The following TAB1 variants were observed in gnomAD, a reference collection of about 807,000 sequenced individuals.
TAB1 encodes the protein TGF-beta activated kinase 1 (MAP3K7) binding protein 1.
In TAB1, 30 loss-of-function variants were observed where a neutral mutation model predicts 54.5. The ratio of observed to expected loss-of-function variants is 0.55; its 90% CI spans 0.41 to 0.75. The LOEUF is 0.75. Among genes scored for constraint, TAB1 ranks in the 30% least tolerant of loss-of-function variants. The pLI is 0.00. For missense variants in TAB1, 609 were observed against 683.2 expected (o/e 0.89, Z 1.21); for synonymous variants, 289 against 286.9 (o/e 1.01, Z -0.07).
downstream of TAB1, chr22:39,433,609 C>A (rs916893939): frequency 1.2e-5 from 12 of 985,416 alleles, no homozygotes; most frequent in Non-Finnish European, 1.4e-5. Context: ...GGAGTTGTAC[C>A]GTCCTGGTCT....
intron 7 of TAB1, 107 bp from the exon 8 acceptor site, chr22:39,421,720 G>A: frequency 8.5e-7 from 1 of 1,183,308 alleles, no homozygotes. Context: ...TTGTCAGGTT[G>A]TGTGTTTTAT....
At chr22:39,400,181 C>T (rs1237729963) in intron 1 of TAB1, among the ~76,000 whole-genome samples, 1 of 152,218 alleles carries the variant, frequency 6.6e-6, no homozygotes, top group East Asian at 1.9e-4. Flanking sequence ...ATGATAATAA[C>T]AGCAGCATCC....
intron 8 of TAB1, among the ~76,000 whole-genome samples, chr22:39,425,695 C>T (rs955065574): frequency 8.6e-5 from 13 of 151,406 alleles, no homozygotes; most frequent in Non-Finnish European, 1.6e-4. Flanking sequence ...TACAGGCACC[C>T]GCCACCACGC....
At chr22:39,425,253 G>T (rs975571353) in intron 8 of TAB1, among the ~76,000 whole-genome samples, 2 of 151,318 alleles carry the variant, frequency 1.3e-5, no homozygotes, top group Admixed American at 1.3e-4. Context: ...GCATAGTGAC[G>T]CACGCCTGTA....
chr22:39,423,813 A>G (rs1300350247), intron 8 of TAB1, among the ~76,000 whole-genome samples: 1 of 152,072 alleles, frequency 6.6e-6, no homozygotes, highest in Admixed American at 6.6e-5. Flanking sequence ...TAACTAATGT[A>G]TAGTGTTTTA....
In TAB1 at chr22:39,430,948, C is replaced by T. The variant is rs886730533; in HGVS notation, c.*726C>T. The T allele has an allele frequency of 6.1e-6, 6 of 986,134 alleles. No individual in the cohort carries two copies. Among genetic ancestry groups the T allele is most frequent in the East Asian group, 1.1e-4 (1 of 8,836 alleles). The allele number at this position is 986,134 out of a possible 1,614,324, so 61.1% of individuals were successfully genotyped here. A position where few individuals can be genotyped will look rare whatever the true frequency, so the allele number is the denominator to read the frequency against. ...GTGCGGGAGAGGTGAGGACTGGCCC[C>T]GGTGGGCTGAGGCAGGGGCCGCTGT... On this transcript the variant is annotated 3_prime_UTR_variant, in exon 11 of 11. Transcript: ENST00000216160.
chr22:39,430,916 G>T lies in TAB1; in HGVS notation c.*694G>T. ...GGATGGCGGCCTGGGCTTCCCCAGAGCCAGGCGTGCGGGAGAGGTGAGGAC... is the reference window on the plus strand; with the variant it reads ...GGATGGCGGCCTGGGCTTCCCCAGATCCAGGCGTGCGGGAGAGGTGAGGAC... On this transcript the variant is annotated 3_prime_UTR_variant, in exon 11 of 11. Coordinates refer to ENST00000216160, the MANE Select transcript of TAB1 (RefSeq NM_006116.3). 10 of 987,844 alleles carry T rather than the reference G, an allele frequency of 1.0e-5. No individual in the cohort carries two copies. The highest frequency in any genetic ancestry group is 1.2e-5 in the Non-Finnish European group (10 of 831,550). The allele number at this position is 987,844 out of a possible 1,614,324, so 61.2% of individuals were successfully genotyped here.
chr22:39,405,072 A>T (rs1321551546), intron 1 of TAB1, among the ~76,000 whole-genome samples: 1 of 152,136 alleles, frequency 6.6e-6, no homozygotes, highest in African/African-American at 2.4e-5. Context: ...CCACAAAAAC[A>T]CTTGGCCTTT....
chr22:39,436,148 C>T (rs957842019), downstream of TAB1, among the ~76,000 whole-genome samples: 2 of 152,112 alleles, frequency 1.3e-5, no homozygotes, highest in Non-Finnish European at 2.9e-5. Context: ...AAAAAAGTAG[C>T]CAGGCGTTGT....
rs755744845 is a variant in TAB1, at chr22:39,415,152, C to T, written c.170+10C>T. 2.4e-5 allele frequency: 37 copies of T among 1,565,024 alleles called. 1 individual carries two copies. The highest frequency in any genetic ancestry group is 2.6e-6 in the Non-Finnish European group (3 of 1,151,814). On this transcript the variant is annotated intron_variant, in intron 2 of 10. Coordinates refer to ENST00000216160, the MANE Select transcript of TAB1 (RefSeq NM_006116.3). The surrounding 1 kb of genome is among the most constrained non-coding windows in gnomAD (Gnocchi z 4.9). Reference sequence around the variant, plus strand: ...GCTGGCTCAAGTTCAGGTGTGTGTGCCAGCATTTCTGTGTTGGGCCCGGGG... The same window carrying T: ...GCTGGCTCAAGTTCAGGTGTGTGTGTCAGCATTTCTGTGTTGGGCCCGGGG...
At chr22:39,436,372 AAG>A (rs1167088324), downstream of TAB1, 27 of 763,818 alleles carry the variant, frequency 3.5e-5, no homozygotes, top group Middle Eastern at 2.3e-4. Flanking sequence ...TAACCTGGCA[AAG>A]AGTTGGTATC....
intron 1 of TAB1, among the ~76,000 whole-genome samples, chr22:39,404,143 G>A (rs1173592021): frequency 1.3e-5 from 2 of 152,232 alleles, no homozygotes; most frequent in African/African-American, 4.8e-5. Context: ...GTGTGTGACA[G>A]AGGAAGAAGA....
At position 39,421,156 on chromosome 22, in the gene TAB1, T is replaced by G. The variant is rs2267410; in HGVS notation, c.777-671T>G. On this transcript the variant is annotated intron_variant, in intron 7 of 10. Transcript: ENST00000216160. Reference sequence around the variant, plus strand: ...TTTCATGCATACAACTTGATGAGTTTGGAGATATGTTTACACACCCCTCAC... The same window carrying G: ...TTTCATGCATACAACTTGATGAGTTGGGAGATATGTTTACACACCCCTCAC... 1.6e-3 allele frequency among the ~76,000 whole-genome samples: 248 copies of G among 152,186 alleles called. 5 individuals are homozygous for G. In the East Asian group the frequency reaches 0.043, roughly 26 times the overall value.
chr22:39,415,772 C>G lies in TAB1; in HGVS notation c.324+119C>G, dbSNP rs1811998640. 5 of 1,340,160 alleles carry G rather than the reference C, an allele frequency of 3.7e-6. No individual in the cohort carries two copies. The highest frequency in any genetic ancestry group is 2.2e-5 in the Admixed American group (1 of 45,098). The allele number at this position is 1,340,160 out of a possible 1,614,324, so 83.0% of individuals were successfully genotyped here. ...GTGAAGATCCTGCCGGCCCCTTCAC[C>G]CCAGTAGAGGAGCAGCTCCCAGCGT... is the stretch of plus-strand genomic sequence containing the variant. On this transcript the variant is annotated intron_variant, in intron 3 of 10. Coordinates refer to ENST00000216160, the MANE Select transcript of TAB1 (RefSeq NM_006116.3). This position sits in a 1 kb window ranked among gnomAD's most constrained non-coding sequence, Gnocchi z 4.9.
At chr22:39,411,687 C>T (rs1601687250) in intron 1 of TAB1, among the ~76,000 whole-genome samples, 1 of 152,188 alleles carries the variant, frequency 6.6e-6, no homozygotes, top group Non-Finnish European at 1.5e-5. Flanking sequence ...TAAAGTTAAA[C>T]ATATACTTAC....
At chr22:39,401,777 C>CT (rs1358917547) in intron 1 of TAB1, among the ~76,000 whole-genome samples, 1 of 152,174 alleles carries the variant, frequency 6.6e-6, no homozygotes, top group Non-Finnish European at 1.5e-5. Flanking sequence ...CCCCTCCGCC[C>CT]TCATGATGAT....
downstream of TAB1, chr22:39,433,187 C>T (rs1308880489): frequency 1.0e-6 from 1 of 985,282 alleles, no homozygotes; most frequent in African/African-American, 1.7e-5. Flanking sequence ...CGCGGTGGCT[C>T]AGGCCTGTAA....
At position 39,431,735 on chromosome 22, in the gene TAB1, G is replaced by A; in HGVS notation, c.*1513G>A. On this transcript the variant is annotated 3_prime_UTR_variant, in exon 11 of 11. Transcript: ENST00000216160. ...GCCATCTCTGTTCTGCAGGTGAGAG[G>A]ATTTAAAGTCAGTCACAAAGGCTTG... 1 of 985,472 alleles carries A rather than the reference G, an allele frequency of 1.0e-6. No individual in the cohort carries two copies. Among genetic ancestry groups the A allele is most frequent in the Non-Finnish European group, 1.2e-6 (1 of 829,958 alleles). 61.0% of individuals were successfully genotyped at this position (985,472 alleles called of 1,614,324 possible). A position where few individuals can be genotyped will look rare whatever the true frequency, so the allele number is the denominator to read the frequency against.
chr22:39,436,919 G>A, downstream of TAB1: 1 of 236,406 alleles, frequency 4.2e-6, no homozygotes, highest in Non-Finnish European at 8.2e-6. Flanking sequence ...CCTGCACGGG[G>A]CAGTGTTTGT....
Sources: gnomAD v4.1 joint callset for allele counts (sites outside exome capture counted in the v4.1 genomes callset) on GRCh38, gnomAD v4.1.1 for gene constraint, Gnocchi (gnomAD v3.1) non-coding constraint, MANE v1.5 for transcripts, NCBI Gene and HGNC (gene_info 2026-07-23, HGNC 2026-07-21) for gene names.